The following OCA2 variants were observed in gnomAD, a reference collection of about 807,000 sequenced individuals.
The protein encoded by OCA2 is P protein.
Under a neutral mutation model 100.2 loss-of-function variants are expected in OCA2, and 77 were observed. The observed-to-expected ratio is 0.77, with a 90% CI of 0.64 to 0.93. The LOEUF (loss-of-function observed/expected upper bound fraction) is 0.93. Among genes scored for constraint, OCA2 ranks in the 40% least tolerant of loss-of-function variants. The pLI is 0.00. For synonymous variants in OCA2, 432 were observed against 439.2 expected, an observed-to-expected ratio of 0.98 and a Z score of 0.21; for missense variants, 1,062 against 1,089.1, an observed-to-expected ratio of 0.98 and a Z score of 0.35.
chr15:28,085,339 A>C (rs2044759878), intron 1 of OCA2, among the ~76,000 whole-genome samples: 1 of 152,104 alleles, frequency 6.6e-6, no homozygotes, highest in African/African-American at 2.4e-5. Flanking sequence ...CCAAGAAGGA[A>C]ATAGAAGCTA....
chr15:28,034,357 G>A (rs189940577), intron 2 of OCA2, among the ~76,000 whole-genome samples: 1 of 152,334 alleles, frequency 6.6e-6, no homozygotes, highest in East Asian at 1.9e-4. Flanking sequence ...CATAAAGATA[G>A]ATTGTGGATA....
At chr15:27,874,445 T>C (rs917100672) in intron 19 of OCA2, among the ~76,000 whole-genome samples, 2 of 152,192 alleles carry the variant, frequency 1.3e-5, no homozygotes, top group Non-Finnish European at 2.9e-5. Flanking sequence ...CACAGCAGTT[T>C]CTGGAGGAAA....
chr15:27,949,280 C>T (rs1595702001), intron 18 of OCA2, among the ~76,000 whole-genome samples: 1 of 152,196 alleles, frequency 6.6e-6, no homozygotes, highest in South Asian at 2.1e-4. Context: ...TGTCACGTTA[C>T]ATGATGTACA....
chr15:27,872,619 A>AT (rs897276480), intron 19 of OCA2, among the ~76,000 whole-genome samples: 2 of 151,940 alleles, frequency 1.3e-5, no homozygotes, highest in Non-Finnish European at 1.5e-5. Context: ...TTTCACTGTG[A>AT]TTCCATCGCG....
intron 23 of OCA2, among the ~76,000 whole-genome samples, chr15:27,815,342 A>T (rs1014834453): frequency 6.6e-6 from 1 of 152,178 alleles, no homozygotes; most frequent in Non-Finnish European, 1.5e-5. Context: ...GTGCATCTGC[A>T]GCAGGGCTGG....
In OCA2 at chr15:27,764,098, G is replaced by C. The variant is rs183383112; in HGVS notation, c.2433-8626C>G. On this transcript the variant is annotated intron_variant, in intron 23 of 23. Coordinates refer to ENST00000354638, the MANE Select transcript of OCA2 (RefSeq NM_000275.3). ...AATGGAAGGCACTGAGAAACAGAAGGGACAGGGGAGAGAGACAGAAGGAAA... is the reference window on the plus strand; with the variant it reads ...AATGGAAGGCACTGAGAAACAGAAGCGACAGGGGAGAGAGACAGAAGGAAA... Among the ~76,000 whole-genome samples, 6 of 151,768 alleles carry C rather than the reference G, an allele frequency of 4.0e-5. No individual in the cohort carries two copies. In the East Asian group the frequency reaches 1.2e-3, roughly 30 times the overall value.
intron 2 of OCA2, among the ~76,000 whole-genome samples, chr15:28,071,574 C>T (rs771103781): frequency 6.6e-6 from 1 of 152,178 alleles, no homozygotes; most frequent in Admixed American, 6.5e-5. Context: ...AACAGACACA[C>T]AGACCACTGG....
intron 19 of OCA2, among the ~76,000 whole-genome samples, chr15:27,888,931 ATG>A (rs748116716): frequency 7.2e-5 from 11 of 152,156 alleles, no homozygotes; most frequent in Non-Finnish European, 1.3e-4. Context: ...GCCTTCCCTC[ATG>A]TGAGGAAGCA....
At chr15:27,958,913 CCGAAGACCTGGGAAG>C in intron 15 of OCA2, among the ~76,000 whole-genome samples, 1 of 152,218 alleles carries the variant, frequency 6.6e-6, no homozygotes, top group African/African-American at 2.4e-5. Flanking sequence ...TGGTGATCAC[CCGAAGACCTGGGAAG>C]CAGCATGAAC....
rs558386567 is a variant in OCA2 at position 28,091,053 on chromosome 15, C to T, written c.-22+8171G>A. On this transcript the variant is annotated intron_variant, in intron 1 of 23. Coordinates refer to ENST00000354638, the MANE Select transcript of OCA2 (RefSeq NM_000275.3). ...ACATCAAAGAATAATAGTGGTATAT[C>T]AGATTGCCATTTTACAACTTTACAT... Among the ~76,000 whole-genome samples the T allele has an allele frequency of 3.3e-5, 5 of 152,246 alleles. No individual in the cohort carries two copies. In the East Asian group the frequency reaches 9.6e-4, roughly 29 times the overall value.
chr15:28,082,209 C>G (rs533488372), intron 1 of OCA2, among the ~76,000 whole-genome samples: 7 of 152,258 alleles, frequency 4.6e-5, no homozygotes, highest in Non-Finnish European at 7.4e-5. Flanking sequence ...GCACTCTGTA[C>G]AGTGGACCAA....
intron 2 of OCA2, among the ~76,000 whole-genome samples, chr15:28,057,927 G>A (rs563932875): frequency 5.9e-5 from 9 of 152,268 alleles, no homozygotes; most frequent in African/African-American, 2.2e-4. Flanking sequence ...TGGACCCTGT[G>A]ACTACTGGAT....
At chr15:27,931,894 C>A (rs984559440) in intron 18 of OCA2, among the ~76,000 whole-genome samples, 1 of 152,152 alleles carries the variant, frequency 6.6e-6, no homozygotes, top group Admixed American at 6.5e-5. Flanking sequence ...AGGAAACACT[C>A]CTGTTCATCT....
intron 19 of OCA2, among the ~76,000 whole-genome samples, chr15:27,914,148 G>A (rs1482697366): frequency 6.6e-6 from 1 of 151,932 alleles, no homozygotes; most frequent in Non-Finnish European, 1.5e-5. Flanking sequence ...CATGATCATC[G>A]CCATAGATGC....
chr15:28,011,983 A>T (rs141307104), intron 9 of OCA2, among the ~76,000 whole-genome samples: 7 of 152,140 alleles, frequency 4.6e-5, no homozygotes, highest in African/African-American at 1.7e-4. Flanking sequence ...TCTCCAAAAA[A>T]AAAAAAGGAA....
intron 14 of OCA2, among the ~76,000 whole-genome samples, chr15:27,971,393 T>C (rs2040785302): frequency 6.6e-6 from 1 of 152,210 alleles, no homozygotes; most frequent in Admixed American, 6.5e-5. Context: ...GGTGAGTCTC[T>C]GTAGAACAGG....
chr15:27,952,247 T>C (rs2040056697), intron 17 of OCA2, among the ~76,000 whole-genome samples: 1 of 152,224 alleles, frequency 6.6e-6, no homozygotes, highest in Non-Finnish European at 1.5e-5. Flanking sequence ...GCCATGAGGC[T>C]GAGCCTTCTC....
At position 27,979,958 on chromosome 15, in the gene OCA2, C is replaced by T. The variant is rs2041100906; in HGVS notation, c.1503+3387G>A. Among the ~76,000 whole-genome samples, 3 of 151,216 alleles carry T rather than the reference C, an allele frequency of 2.0e-5. No homozygotes were observed. The South Asian group carries it at 6.3e-4, about 32-fold the overall frequency. ...CTCGATCTCCACACCTCATGATCCA[C>T]CCGCCTCAGCCTCCCAAAGTGCTGG... On this transcript the variant is annotated intron_variant, in intron 14 of 23. Transcript: ENST00000354638.
At chr15:28,083,587 C>T (rs7169299) in intron 1 of OCA2, among the ~76,000 whole-genome samples, 3,334 of 152,284 alleles carry the variant, frequency 0.022, 121 homozygotes, top group African/African-American at 0.077. Context: ...ACAAATTCCA[C>T]GCATGAGCTA....
Sources: gnomAD v4.1 joint callset for allele counts (sites outside exome capture counted in the v4.1 genomes callset) on GRCh38, gnomAD v4.1.1 for gene constraint, MANE v1.5 for transcripts, NCBI Gene and HGNC (gene_info 2026-07-23, HGNC 2026-07-21) for gene names.